The following PDGFC variants were observed in gnomAD, a reference collection of about 807,000 sequenced individuals.
PDGFC encodes the protein platelet-derived growth factor C.
A neutral mutation model predicts 35.5 loss-of-function variants in PDGFC; 12 were observed. The ratio of observed to expected loss-of-function variants is 0.34; its 90% CI spans 0.22 to 0.55. The LOEUF (loss-of-function observed/expected upper bound fraction) is 0.55, where lower values mean the gene tolerates loss of function less well. PDGFC is among the 20% of genes least tolerant of loss of function. PDGFC has a pLI of 0.91. For synonymous variants in PDGFC, 159 were observed against 148.8 expected (o/e 1.07, Z -0.50); for missense variants, 322 against 412.4 (o/e 0.78, Z 1.90).
intron 4 of PDGFC, among the ~76,000 whole-genome samples, chr4:156,769,227 A>G (rs1730627220): frequency 6.6e-6 from 1 of 151,874 alleles, no homozygotes; most frequent in Non-Finnish European, 1.5e-5. Context: ...CTGGTTAAAG[A>G]TGGCTTCAAG....
intron 1 of PDGFC, among the ~76,000 whole-genome samples, chr4:156,891,600 G>T (rs115568821): frequency 0.059 from 8,910 of 152,234 alleles, 370 homozygotes; most frequent in Middle Eastern, 0.15. Context: ...CTTAGGAAGT[G>T]CTTTGAGAAA....
chr4:156,786,649 A>T (rs527632566), intron 3 of PDGFC, among the ~76,000 whole-genome samples: 2 of 152,292 alleles, frequency 1.3e-5, no homozygotes, highest in African/African-American at 4.8e-5. Flanking sequence ...GTGACTGGGG[A>T]GTAGAGCTGC....
Position 156,825,572 on chromosome 4 carries a change from T to G in PDGFC, c.315-14555A>C, listed in dbSNP as rs1347159691. Among the ~76,000 whole-genome samples the G allele has an allele frequency of 9.4e-4, 89 of 94,650 alleles. 1 individual carries two copies. Among genetic ancestry groups the G allele is most frequent in the African/African-American group, 3.5e-3 (60 of 17,346 alleles). 62.1% of individuals were successfully genotyped at this position (94,650 alleles called of 152,430 possible). Reference sequence around the variant, plus strand: ...CTCCAAATAATAATAATAATAATAATAATAATAATAATAATAATAATAAGA... The same window carrying G: ...CTCCAAATAATAATAATAATAATAAGAATAATAATAATAATAATAATAAGA... On this transcript the variant is annotated intron_variant, in intron 2 of 5. Transcript: ENST00000502773.
At chr4:156,948,769 T>C (rs1417860643) in intron 1 of PDGFC, among the ~76,000 whole-genome samples, 1 of 151,990 alleles carries the variant, frequency 6.6e-6, no homozygotes, top group African/African-American at 2.4e-5. Flanking sequence ...TCTACATACA[T>C]AGAAATATTT....
intron 3 of PDGFC, among the ~76,000 whole-genome samples, chr4:156,805,165 A>T (rs187316303): frequency 1.3e-3 from 197 of 152,140 alleles, no homozygotes; most frequent in African/African-American, 4.5e-3. Context: ...TTAGCCAAGT[A>T]AGAGTTTAGT....
intron 2 of PDGFC, among the ~76,000 whole-genome samples, chr4:156,824,353 T>TAC (rs1732379409): frequency 2.9e-5 from 3 of 104,650 alleles, no homozygotes; most frequent in Admixed American, 9.5e-5. Flanking sequence ...CACACACATA[T>TAC]ACACACATAT....
chr4:156,945,794 A>T (rs1347139926), intron 1 of PDGFC, among the ~76,000 whole-genome samples: 1 of 152,004 alleles, frequency 6.6e-6, no homozygotes, highest in Non-Finnish European at 1.5e-5. Flanking sequence ...TCTGAAAAAC[A>T]TCCAACATTG....
At chr4:156,804,785 C>T (rs769910407) in intron 3 of PDGFC, among the ~76,000 whole-genome samples, 5 of 151,960 alleles carry the variant, frequency 3.3e-5, no homozygotes. Context: ...AAAACAACTC[C>T]TTCCATCAGG....
chr4:156,817,435 G>C (rs1732117762), intron 2 of PDGFC, among the ~76,000 whole-genome samples: 1 of 152,144 alleles, frequency 6.6e-6, no homozygotes, highest in Non-Finnish European at 1.5e-5. Flanking sequence ...GTAACTTTAT[G>C]CTAATTAAAC....
At position 156,898,806 on chromosome 4, in the gene PDGFC, C is replaced by T. The variant is rs148364269; in HGVS notation, c.119-48390G>A. Among the ~76,000 whole-genome samples the T allele has an allele frequency of 3.5e-3, 534 of 152,164 alleles. 4 individuals are homozygous for T. The highest frequency in any genetic ancestry group is 0.012 in the African/African-American group (503 of 41,512). On this transcript the variant is annotated intron_variant, in intron 1 of 5. Transcript: ENST00000502773. ...CAGAGTAGCTAGGACTACAGGTGTGCGCTACTACACCTGGCTAATTTTTCT... is the reference window on the plus strand; with the variant it reads ...CAGAGTAGCTAGGACTACAGGTGTGTGCTACTACACCTGGCTAATTTTTCT...
chr4:156,856,931 C>CT (rs759768223), intron 1 of PDGFC, among the ~76,000 whole-genome samples: 13 of 151,914 alleles, frequency 8.6e-5, no homozygotes, highest in Non-Finnish European at 1.6e-4. Flanking sequence ...CTTAATATAC[C>CT]TACTTATTTT....
In PDGFC at chr4:156,902,745, A is replaced by T. The variant is rs1196438141; in HGVS notation, c.119-52329T>A. ...TGCATTCTATACCCCAGCCAAACCAACCACATGTGGAACTTAAATATTCAT... is the reference window on the plus strand; with the variant it reads ...TGCATTCTATACCCCAGCCAAACCATCCACATGTGGAACTTAAATATTCAT... On this transcript the variant is annotated intron_variant, in intron 1 of 5. Transcript: ENST00000502773. Among the ~76,000 whole-genome samples, 3 of 152,062 alleles carry T rather than the reference A, an allele frequency of 2.0e-5. 1 individual carries two copies. In the East Asian group the frequency reaches 5.8e-4, roughly 29 times the overall value.
At chr4:156,964,130 A>G (rs1732406358) in intron 1 of PDGFC, among the ~76,000 whole-genome samples, 2 of 151,964 alleles carry the variant, frequency 1.3e-5, no homozygotes, top group African/African-American at 4.8e-5. Flanking sequence ...ATTCATTTTT[A>G]TGGTACTTTT....
intron 2 of PDGFC, among the ~76,000 whole-genome samples, chr4:156,835,609 A>G (rs1389489317): frequency 6.6e-6 from 1 of 152,202 alleles, no homozygotes; most frequent in African/African-American, 2.4e-5. Flanking sequence ...CAATCTCACT[A>G]TATTTTAAGA....
At chr4:156,772,390 T>A (rs1033773173) in intron 4 of PDGFC, among the ~76,000 whole-genome samples, 1 of 152,164 alleles carries the variant, frequency 6.6e-6, no homozygotes, top group East Asian at 1.9e-4. Flanking sequence ...TAAGCAGTGA[T>A]TTTTGTAAAA....
At chr4:156,898,115 G>A (rs1045597086) in intron 1 of PDGFC, among the ~76,000 whole-genome samples, 1 of 152,120 alleles carries the variant, frequency 6.6e-6, no homozygotes. Context: ...TCATGAAGGT[G>A]GAGGCCTCAT....
At position 156,825,595 on chromosome 4, in the gene PDGFC, AG is replaced by A. The variant is rs1381713560; in HGVS notation, c.315-14579del. On this transcript the variant is annotated intron_variant, in intron 2 of 5. Coordinates refer to ENST00000502773, the MANE Select transcript of PDGFC (RefSeq NM_016205.3). ...AATAATAATAATAATAATAATAATA[AG>A]AAGAAGAAGAAGAAGAAGAAGAAGA... Among the ~76,000 whole-genome samples, 154 of 76,464 alleles carry A rather than the reference AG, an allele frequency of 2.0e-3. 1 individual carries two copies. Among genetic ancestry groups the A allele is most frequent in the Middle Eastern group, 7.1e-3 (1 of 140 alleles). The allele number at this position is 76,464 out of a possible 152,430, so 50.2% of individuals were successfully genotyped here. A position where few individuals can be genotyped will look rare whatever the true frequency, so the allele number is the denominator to read the frequency against.
intron 1 of PDGFC, among the ~76,000 whole-genome samples, chr4:156,931,122 A>G (rs1489000155): frequency 6.6e-6 from 1 of 152,170 alleles, no homozygotes; most frequent in Non-Finnish European, 1.5e-5. Flanking sequence ...AAAACTGACA[A>G]AAAATTGTGA....
chr4:156,820,495 C>T (rs958189997), intron 2 of PDGFC, among the ~76,000 whole-genome samples: 1 of 152,208 alleles, frequency 6.6e-6, no homozygotes, highest in African/African-American at 2.4e-5. Flanking sequence ...TATAATGCTA[C>T]TGCATACTTA....
Sources: gnomAD v4.1 joint callset for allele counts (sites outside exome capture counted in the v4.1 genomes callset) on GRCh38, gnomAD v4.1.1 for gene constraint, MANE v1.5 for transcripts, NCBI Gene and HGNC (gene_info 2026-07-23, HGNC 2026-07-21) for gene names.